C2orf68: variants seen among roughly 807,000 people sequenced by gnomAD.
C2orf68 encodes the protein chromosome 2 open reading frame 68, also known as UPF0561 protein C2orf68.
In C2orf68, 15 loss-of-function variants were observed where a neutral mutation model predicts 19.1. The ratio of observed to expected loss-of-function variants is 0.79; its 90% CI spans 0.53 to 1.21. The LOEUF is 1.21. Ranked by LOEUF, C2orf68 falls within the 50% of genes most tolerant of loss-of-function variation. The pLI, the probability that C2orf68 is intolerant of heterozygous loss-of-function variation, is 0.00. For synonymous variants in C2orf68, 98 were observed against 91.0 expected, an observed-to-expected ratio of 1.08 and a Z score of -0.44; for missense variants, 242 against 226.6, an observed-to-expected ratio of 1.07 and a Z score of -0.44.
Position 85,607,732 on chromosome 2 carries a change from C to T in C2orf68, c.*1213G>A, listed in dbSNP as rs2104138593. 6.6e-6 allele frequency: 1 copy of T among 152,328 alleles called. No individual in the cohort carries two copies. The highest frequency in any genetic ancestry group is 2.1e-4 in the South Asian group (1 of 4,824). The allele number at this position is 152,328 out of a possible 1,614,324, so 9.4% of individuals were successfully genotyped here. A position where few individuals can be genotyped will look rare whatever the true frequency, so the allele number is the denominator to read the frequency against. On this transcript the variant is annotated 3_prime_UTR_variant, in exon 4 of 4. Transcript: ENST00000306336. ...TATGGTTTCAGGAAATCTCAGTTCTCAAAGGCTTAAAGCCATATTTCAAGG... is the reference window on the plus strand; with the variant it reads ...TATGGTTTCAGGAAATCTCAGTTCTTAAAGGCTTAAAGCCATATTTCAAGG...
chr2:85,611,020 A>G (rs1411657510), intron 2 of C2orf68: 2 of 157,222 alleles, frequency 1.3e-5, no homozygotes, highest in African/African-American at 4.8e-5. Context: ...CGGCCTCCCA[A>G]AGTGCTGGGA....
rs62166770 is a variant in C2orf68 at position 85,607,518 on chromosome 2, T to A, written c.*1427A>T. On this transcript the variant is annotated 3_prime_UTR_variant, in exon 4 of 4. Coordinates refer to ENST00000306336, the MANE Select transcript of C2orf68 (RefSeq NM_001013649.4). ...CTGGCCGCTTTCACCACCAGGCCCT[T>A]CTCACTTATCCACCTCACTTACTGC... The A allele has an allele frequency of 6.6e-6, 1 of 152,110 alleles. No homozygotes were observed. Among genetic ancestry groups the A allele is most frequent in the Non-Finnish European group, 1.5e-5 (1 of 68,024 alleles). The allele number at this position is 152,110 out of a possible 1,614,324, so 9.4% of individuals were successfully genotyped here.
In C2orf68 at chr2:85,605,529, T is replaced by C. The variant is rs1270763323; in HGVS notation, c.*3416A>G. On this transcript the variant is annotated 3_prime_UTR_variant, in exon 4 of 4. Coordinates refer to ENST00000306336, the MANE Select transcript of C2orf68 (RefSeq NM_001013649.4). ...TTTCGGGTGGGTGCCTATGGCTGTA[T>C]GACCATCTGATTCCTCAGGGACAGG... 6.6e-6 allele frequency among the ~76,000 whole-genome samples: 1 copy of C among 152,234 alleles called. No individual in the cohort carries two copies. The highest frequency in any genetic ancestry group is 1.5e-5 in the Non-Finnish European group (1 of 68,044).
chr2:85,612,005 TCGC>T lies in C2orf68; in HGVS notation c.-24_-22del. The T allele has an allele frequency of 6.7e-7, 1 of 1,481,982 alleles. No homozygotes were observed. The highest frequency in any genetic ancestry group is 8.9e-7 in the Non-Finnish European group (1 of 1,121,186). 91.8% of individuals were successfully genotyped at this position (1,481,982 alleles called of 1,614,324 possible). On this transcript the variant is annotated 5_prime_UTR_variant, in exon 1 of 4. Coordinates refer to ENST00000306336, the MANE Select transcript of C2orf68 (RefSeq NM_001013649.4). Reference sequence around the variant, plus strand: ...TCCATCAGGAGCCGGGGACGCAGAGTCGCCGCCGCCTCGACGGCCCCAACAACA... The same window carrying T: ...TCCATCAGGAGCCGGGGACGCAGAGTCGCCGCCTCGACGGCCCCAACAACA...
chr2:85,611,113 G>T, intron 2 of C2orf68: 1 of 318,348 alleles, frequency 3.1e-6, no homozygotes, highest in Non-Finnish European at 4.8e-6. Flanking sequence ...GGTGGCACAC[G>T]CCTGTGGTCC....
chr2:85,608,807 TGCAA>T lies in C2orf68; in HGVS notation c.*134_*137del. The T allele has an allele frequency of 4.2e-6, 5 of 1,178,574 alleles. No individual in the cohort carries two copies. The highest frequency in any genetic ancestry group is 2.2e-5 in the Admixed American group (1 of 45,464). 73.0% of individuals were successfully genotyped at this position (1,178,574 alleles called of 1,614,324 possible). A position where few individuals can be genotyped will look rare whatever the true frequency, so the allele number is the denominator to read the frequency against. On this transcript the variant is annotated 3_prime_UTR_variant, in exon 4 of 4. Coordinates refer to ENST00000306336, the MANE Select transcript of C2orf68 (RefSeq NM_001013649.4). ...CTGCAAGGCAGGCCAGGTGTAGTCC[TGCAA>T]CACCCTATGGATGCAGCAGCTCTGG...
rs1673304846 is a variant in C2orf68, at chr2:85,608,616, A to G, written c.*329T>C. On this transcript the variant is annotated 3_prime_UTR_variant, in exon 4 of 4. Transcript: ENST00000306336. Reference sequence around the variant, plus strand: ...CAGCCAGGCATATGACCTCGGTGAGAAAGCACCATGTTGCACGAGGCTTCA... The same window carrying G: ...CAGCCAGGCATATGACCTCGGTGAGGAAGCACCATGTTGCACGAGGCTTCA... The G allele has an allele frequency of 2.3e-5, 5 of 213,466 alleles. No individual in the cohort carries two copies. Among genetic ancestry groups the G allele is most frequent in the Admixed American group, 1.7e-4 (3 of 17,308 alleles). 13.2% of individuals were successfully genotyped at this position (213,466 alleles called of 1,614,324 possible). A position where few individuals can be genotyped will look rare whatever the true frequency, so the allele number is the denominator to read the frequency against.
intron 2 of C2orf68, chr2:85,611,425 C>G: frequency 6.6e-7 from 1 of 1,515,850 alleles, no homozygotes; most frequent in East Asian, 2.5e-5. Flanking sequence ...GGCAAACCGG[C>G]AGATAAACTT....
rs1364283527 is a variant in C2orf68 at position 85,609,531 on chromosome 2, A to G, written c.282T>C (p.Ser94=). The change falls in exon 3 of 4, where the codon AGT becomes AGC. Residue 94 remains serine (S), a synonymous_variant. Transcript: ENST00000306336. ...PDYEESGESS[S]SGGSELEPSG... ...AAGGCTCCAGCTCAGAGCCTCCACTACTGCTGCTTTCACCGGACTCTTCAT... is the reference window on the plus strand; with the variant it reads ...AAGGCTCCAGCTCAGAGCCTCCACTGCTGCTGCTTTCACCGGACTCTTCAT... 3 of 1,614,148 alleles carry G rather than the reference A, an allele frequency of 1.9e-6. No individual in the cohort carries two copies. The highest frequency in any genetic ancestry group is 2.2e-5 in the South Asian group (2 of 91,086).
At chr2:85,611,251 AATTGACCGTCAT>A in intron 2 of C2orf68, 1 of 1,356,342 alleles carries the variant, frequency 7.4e-7, no homozygotes, top group Non-Finnish European at 9.4e-7. Flanking sequence ...GCTTAACAAA[AATTGACCGTCAT>A]ATATTAACCA....
chr2:85,608,692 C>T lies in C2orf68; in HGVS notation c.*253G>A, dbSNP rs563016828. The T allele has an allele frequency of 4.8e-6, 1 of 209,128 alleles. No homozygotes were observed. Among genetic ancestry groups the T allele is most frequent in the Non-Finnish European group, 7.8e-6 (1 of 128,168 alleles). The allele number at this position is 209,128 out of a possible 1,614,324, so 13.0% of individuals were successfully genotyped here. On this transcript the variant is annotated 3_prime_UTR_variant, in exon 4 of 4. Transcript: ENST00000306336. ...CTGCTTCTAGAACACATTAGCCACA[C>T]AAAATCCTCAAAAAAAAAAAAAAAA...
At chr2:85,609,852 C>A (rs1315613632) in intron 2 of C2orf68, among the ~76,000 whole-genome samples, 2 of 151,040 alleles carry the variant, frequency 1.3e-5, no homozygotes, top group Admixed American at 1.3e-4. Flanking sequence ...AGCTAATTTT[C>A]ATATTTTTAG....
Position 85,605,678 on chromosome 2 carries a change from C to G in C2orf68, c.*3267G>C, listed in dbSNP as rs1046808386. On this transcript the variant is annotated 3_prime_UTR_variant, in exon 4 of 4. Coordinates refer to ENST00000306336, the MANE Select transcript of C2orf68 (RefSeq NM_001013649.4). ...TTATTCCTCTTTCTGCACACAAAGC[C>G]CTCATTTAAATTTGTGAGCCTGCTT... Among the ~76,000 whole-genome samples the G allele has an allele frequency of 6.6e-6, 1 of 152,144 alleles. No individual in the cohort carries two copies. The highest frequency in any genetic ancestry group is 2.4e-5 in the African/African-American group (1 of 41,408).
At chr2:85,609,807 A>G (rs1237217990) in intron 2 of C2orf68, among the ~76,000 whole-genome samples, 2 of 151,936 alleles carry the variant, frequency 1.3e-5, no homozygotes, top group Non-Finnish European at 2.9e-5. Flanking sequence ...CAGCCTCCCG[A>G]GTAGCTGGGA....
In C2orf68 at chr2:85,611,802, CGGGAGTCA is replaced by C. The variant is rs752216885; in HGVS notation, c.108-24_108-17del. The C allele has an allele frequency of 3.7e-6, 6 of 1,609,734 alleles. No individual in the cohort carries two copies. In the Admixed American group the frequency reaches 6.7e-5, roughly 18 times the overall value. On this transcript the variant is annotated splice_polypyrimidine_tract_variant and intron_variant, in intron 1 of 3. Coordinates refer to ENST00000306336, the MANE Select transcript of C2orf68 (RefSeq NM_001013649.4). ...ATAGTCGTCCCTGCGGGGAGCCGAGCGGGAGTCAGGGACTGTCGGGCCGGGCCAGGCCA... is the reference window on the plus strand; with the variant it reads ...ATAGTCGTCCCTGCGGGGAGCCGAGCGGGACTGTCGGGCCGGGCCAGGCCA...
rs201305562 is a variant in C2orf68 at position 85,611,744 on chromosome 2, C to T, written c.150G>A (p.Lys50=). ...GCGCGGGCGTGTGCCGCCTCCTCAC[C>T]TTCTCCTTGGCCGCCTGCTTCACCT... ...DKKVKQAAKE[K]VRRRHTPAPT... is the part of the protein sequence containing the mutation. Residue 50 remains lysine (K), a synonymous_variant, in exon 2 of 4, where the codon AAG becomes AAA. Coordinates refer to ENST00000306336, the MANE Select transcript of C2orf68 (RefSeq NM_001013649.4). The T allele has an allele frequency of 6.2e-7, 1 of 1,611,402 alleles. No individual in the cohort carries two copies. The highest frequency in any genetic ancestry group is 1.3e-5 in the African/African-American group (1 of 75,016).
At position 85,605,783 on chromosome 2, in the gene C2orf68, C is replaced by T. The variant is rs896282211; in HGVS notation, c.*3162G>A. The stretch of plus-strand genomic sequence containing the variant: ...ACTCACCATCCCAAAGGGGTTCCTC[C>T]CACCTGGATGGGGCCAATCTCTAGT... On this transcript the variant is annotated 3_prime_UTR_variant, in exon 4 of 4. Transcript: ENST00000306336. Among the ~76,000 whole-genome samples the T allele has an allele frequency of 1.3e-5, 2 of 152,190 alleles. No individual in the cohort carries two copies. The highest frequency in any genetic ancestry group is 4.8e-5 in the African/African-American group (2 of 41,436).
chr2:85,611,567 G>C (rs1673528571), intron 2 of C2orf68, 101 bp downstream of exon 2: 1 of 1,551,154 alleles, frequency 6.4e-7, no homozygotes, highest in Non-Finnish European at 8.7e-7. Context: ...GACGAGATGA[G>C]CTGAACCTTA....
At chr2:85,611,551 G>A in intron 2 of C2orf68, 117 bp downstream of exon 2, 1 of 1,551,072 alleles carries the variant, frequency 6.4e-7, no homozygotes, top group South Asian at 1.2e-5. Context: ...GGAGGTTCCG[G>A]AAAGAGACGA....
Sources: gnomAD v4.1 joint callset for allele counts (sites outside exome capture counted in the v4.1 genomes callset) on GRCh38, gnomAD v4.1.1 for gene constraint, MANE v1.5 for transcripts, NCBI Gene and HGNC (gene_info 2026-07-23, HGNC 2026-07-21) for gene names.